Variants in ALG14 observed in about 807,000 individuals in gnomAD.
ALG14 encodes the protein ALG14 UDP-N-acetylglucosaminyltransferase subunit.
A neutral mutation model predicts 22.8 loss-of-function variants in ALG14; 17 were observed. The observed-to-expected ratio is 0.75, with a 90% CI of 0.51 to 1.12. The LOEUF is 1.12. Ranked by LOEUF, ALG14 falls within the 50% of genes most tolerant of loss-of-function variation. The probability of loss-of-function intolerance (pLI) is 0.00; values close to 1 mark genes in which losing one functional copy is unlikely to be tolerated. For missense variants in ALG14, 288 were observed against 271.8 expected, an observed-to-expected ratio of 1.06 and a Z score of -0.42; for synonymous variants, 89 against 103.7, an observed-to-expected ratio of 0.86 and a Z score of 0.86.
chr1:94,997,998 T>C (rs1672952499), intron 3 of ALG14, among the ~76,000 whole-genome samples: 1 of 152,172 alleles, frequency 6.6e-6, no homozygotes, highest in Admixed American at 6.5e-5. Context: ...TCTCAGGTTC[T>C]CATTGAAGAG....
intron 3 of ALG14, among the ~76,000 whole-genome samples, chr1:95,002,907 C>T (rs1673105662): frequency 6.6e-6 from 1 of 152,168 alleles, no homozygotes; most frequent in Admixed American, 6.5e-5. Context: ...CAAGGCCCAG[C>T]TTAGTCTTTT....
At chr1:95,038,862 G>A (rs1674289981) in intron 2 of ALG14, among the ~76,000 whole-genome samples, 1 of 151,936 alleles carries the variant, frequency 6.6e-6, no homozygotes, top group African/African-American at 2.4e-5. Context: ...AGGACTACAG[G>A]CATGCCCCAT....
intron 2 of ALG14, among the ~76,000 whole-genome samples, chr1:95,052,057 T>C (rs984535697): frequency 2.0e-5 from 3 of 152,216 alleles, no homozygotes; most frequent in Non-Finnish European, 4.4e-5. Flanking sequence ...TCAATAAATA[T>C]TTGTTAAATA....
chr1:94,989,261 G>A (rs1672714665), intron 3 of ALG14, among the ~76,000 whole-genome samples: 1 of 152,188 alleles, frequency 6.6e-6, no homozygotes, highest in African/African-American at 2.4e-5. Flanking sequence ...TGAGTGAGAG[G>A]TTGGAAGAAG....
Position 94,974,788 on chromosome 1 carries a change from A to C in ALG14, c.*8288T>G, listed in dbSNP as rs1026533449. ...CGTGGTGGAAAACTACTACCATTTA[A>C]TCATGCCTATGAACTCTGTGGATCA... is the stretch of plus-strand genomic sequence containing the variant. On this transcript the variant is annotated 3_prime_UTR_variant, in exon 4 of 4. Transcript: ENST00000370205. 2 of 152,200 alleles carry C rather than the reference A, an allele frequency of 1.3e-5. No individual in the cohort carries two copies. Among genetic ancestry groups the C allele is most frequent in the Non-Finnish European group, 2.9e-5 (2 of 68,040 alleles). The allele number at this position is 152,200 out of a possible 1,614,324, so 9.4% of individuals were successfully genotyped here.
chr1:95,033,221 C>T (rs1166713418), intron 2 of ALG14, among the ~76,000 whole-genome samples: 1 of 151,928 alleles, frequency 6.6e-6, no homozygotes, highest in African/African-American at 2.4e-5. Context: ...CCCCTACCTC[C>T]CACTCCCAGA....
In ALG14 at chr1:94,975,595, A is replaced by C. The variant is rs1202941527; in HGVS notation, c.*7481T>G. ...TTCCACAGCTGCTGCACCATTCTAC[A>C]TTCCTACCAGCAATGTAGGAGGGCT... On this transcript the variant is annotated 3_prime_UTR_variant, in exon 4 of 4. Coordinates refer to ENST00000370205, the MANE Select transcript of ALG14 (RefSeq NM_144988.4). The C allele has an allele frequency of 6.6e-6, 1 of 152,158 alleles. No individual in the cohort carries two copies. The highest frequency in any genetic ancestry group is 1.5e-5 in the Non-Finnish European group (1 of 68,036). 9.4% of individuals were successfully genotyped at this position (152,158 alleles called of 1,614,324 possible).
At chr1:95,045,463 T>A (rs535729350) in intron 2 of ALG14, among the ~76,000 whole-genome samples, 1 of 152,242 alleles carries the variant, frequency 6.6e-6, no homozygotes, top group East Asian at 1.9e-4. Flanking sequence ...AGCAGTGTTT[T>A]AGGAAGCTAA....
At chr1:94,995,257 G>A (rs1481134585) in intron 3 of ALG14, among the ~76,000 whole-genome samples, 2 of 152,188 alleles carry the variant, frequency 1.3e-5, no homozygotes, top group African/African-American at 2.4e-5. Context: ...TTCTCTATGA[G>A]ATTCTGTGCA....
At chr1:94,994,145 T>C (rs569995728) in intron 3 of ALG14, among the ~76,000 whole-genome samples, 83 of 152,360 alleles carry the variant, frequency 5.4e-4, no homozygotes, top group African/African-American at 1.9e-3. Flanking sequence ...AACATTGTTT[T>C]CCCAACCTTC....
intron 3 of ALG14, among the ~76,000 whole-genome samples, chr1:95,002,603 G>A (rs1319344766): frequency 6.6e-6 from 1 of 152,196 alleles, no homozygotes; most frequent in Non-Finnish European, 1.5e-5. Context: ...GTGAGAGCTG[G>A]CCTGTGTGCC....
rs1047835430 is a variant in ALG14, at chr1:94,975,559, G to A, written c.*7517C>T. Reference sequence around the variant, plus strand: ...CCCTATGTTTGATTTTTGTGAAACTGCTGAACTGTTTTCCACAGCTGCTGC... The same window carrying A: ...CCCTATGTTTGATTTTTGTGAAACTACTGAACTGTTTTCCACAGCTGCTGC... On this transcript the variant is annotated 3_prime_UTR_variant, in exon 4 of 4. Coordinates refer to ENST00000370205, the MANE Select transcript of ALG14 (RefSeq NM_144988.4). The A allele has an allele frequency of 1.3e-5, 2 of 152,150 alleles. No homozygotes were observed. Among genetic ancestry groups the A allele is most frequent in the African/African-American group, 4.8e-5 (2 of 41,426 alleles). The allele number at this position is 152,150 out of a possible 1,614,324, so 9.4% of individuals were successfully genotyped here.
At chr1:95,035,417 A>C (rs1413998215) in intron 2 of ALG14, among the ~76,000 whole-genome samples, 2 of 152,254 alleles carry the variant, frequency 1.3e-5, no homozygotes, top group Non-Finnish European at 2.9e-5. Flanking sequence ...CCTGTAGAAC[A>C]GGGCCATGTC....
At chr1:95,056,560 G>A (rs1241260156) in intron 2 of ALG14, among the ~76,000 whole-genome samples, 3 of 152,046 alleles carry the variant, frequency 2.0e-5, no homozygotes, top group Non-Finnish European at 4.4e-5. Context: ...TGGGAGGATT[G>A]CCTCAGCTGG....
Position 94,982,417 on chromosome 1 carries a change from T to A in ALG14, c.*659A>T, listed in dbSNP as rs545475878. On this transcript the variant is annotated 3_prime_UTR_variant, in exon 4 of 4. Coordinates refer to ENST00000370205, the MANE Select transcript of ALG14 (RefSeq NM_144988.4). ...CTGGGATTACAGGTGTGAGCCGTCA[T>A]GCCGGCCTAAACAAGAGATTTTAAA... 3.3e-5 allele frequency: 5 copies of A among 152,356 alleles called. No homozygotes were observed. In the South Asian group the frequency reaches 1.0e-3, roughly 32 times the overall value. The allele number at this position is 152,356 out of a possible 1,614,324, so 9.4% of individuals were successfully genotyped here. A position where few individuals can be genotyped will look rare whatever the true frequency, so the allele number is the denominator to read the frequency against.
intron 3 of ALG14, among the ~76,000 whole-genome samples, chr1:94,996,691 AT>A (rs1557943926): frequency 6.6e-6 from 1 of 151,664 alleles, no homozygotes; most frequent in Non-Finnish European, 1.5e-5. Context: ...TTTTATTTTT[AT>A]TTTTTTGAGA....
At chr1:95,027,936 TA>T (rs1673873174) in intron 2 of ALG14, among the ~76,000 whole-genome samples, 1 of 152,234 alleles carries the variant, frequency 6.6e-6, no homozygotes, top group South Asian at 2.1e-4. Flanking sequence ...AAACTGAAAT[TA>T]GACCAAATAT....
chr1:94,987,030 G>T (rs11165283), intron 3 of ALG14, among the ~76,000 whole-genome samples: 1 of 152,026 alleles, frequency 6.6e-6, no homozygotes, highest in Non-Finnish European at 1.5e-5. Context: ...TGAGAAAGCC[G>T]CACATTTTCT....
intron 2 of ALG14, among the ~76,000 whole-genome samples, chr1:95,028,844 A>G (rs1375125496): frequency 6.6e-6 from 1 of 152,188 alleles, no homozygotes; most frequent in East Asian, 1.9e-4. Flanking sequence ...ACTACATGCC[A>G]GAAATTACAG....
Sources: gnomAD v4.1 joint callset for allele counts (sites outside exome capture counted in the v4.1 genomes callset) on GRCh38, gnomAD v4.1.1 for gene constraint, MANE v1.5 for transcripts, NCBI Gene and HGNC (gene_info 2026-07-23, HGNC 2026-07-21) for gene names.